TNP1: variants seen among roughly 807,000 people sequenced by gnomAD.
The protein encoded by TNP1 is transition protein 1.
In TNP1, 1 loss-of-function variant was observed where a neutral mutation model predicts 5.8. That is an observed-to-expected ratio of 0.17 (90% CI 0.06 to 0.82). TNP1 has a LOEUF of 0.82. Among genes scored for constraint, TNP1 ranks in the 40% least tolerant of loss-of-function variants. The pLI is 0.72. For missense variants in TNP1, 71 were observed against 75.5 expected (o/e 0.94, Z 0.22); for synonymous variants, 22 against 25.3 (o/e 0.87, Z 0.40).
chr2:216,859,560 T>A lies in TNP1; in HGVS notation c.*107A>T. 7.1e-7 allele frequency: 1 copy of A among 1,418,180 alleles called. No individual in the cohort carries two copies. The highest frequency in any genetic ancestry group is 9.9e-7 in the Non-Finnish European group (1 of 1,011,114). 87.8% of individuals were successfully genotyped at this position (1,418,180 alleles called of 1,614,324 possible). A position where few individuals can be genotyped will look rare whatever the true frequency, so the allele number is the denominator to read the frequency against. ...ATTTGATCCACATTCCATAGGCTCC[T>A]CTCTGGCTTTGATCTAACATCAGGT... On this transcript the variant is annotated 3_prime_UTR_variant, in exon 2 of 2. Transcript: ENST00000236979.
At chr2:216,859,754 C>T (rs1384975951) in intron 1 of TNP1, 59 bp from the exon 2 acceptor site, 2 of 1,613,798 alleles carry the variant, frequency 1.2e-6, no homozygotes, top group Non-Finnish European at 1.7e-6. Context: ...CATCAAGACT[C>T]TTGTTGCTCA....
At chr2:216,859,744 C>G in intron 1 of TNP1, 49 bp from the exon 2 acceptor site, 2 of 1,613,992 alleles carry the variant, frequency 1.2e-6, no homozygotes, top group Non-Finnish European at 1.7e-6. Flanking sequence ...AGAACATTCC[C>G]ATCAAGACTC....
In TNP1 at chr2:216,859,473, TTTTA is replaced by T; in HGVS notation, c.*190_*193del. On this transcript the variant is annotated 3_prime_UTR_variant, in exon 2 of 2. Transcript: ENST00000236979. ...AAAGTAAACATTTCTGCTTTCAAAG[TTTTA>T]TTGAGATGTTGGGGAAAAACAGCCA... The T allele has an allele frequency of 1.5e-6, 1 of 677,702 alleles. No individual in the cohort carries two copies. Among genetic ancestry groups the T allele is most frequent in the Non-Finnish European group, 2.5e-6 (1 of 400,192 alleles). The allele number at this position is 677,702 out of a possible 1,614,324, so 42.0% of individuals were successfully genotyped here.
rs562802006 is a variant in TNP1, at chr2:216,859,661, G to A, written c.*6C>T. 2 of 1,614,154 alleles carry A rather than the reference G, an allele frequency of 1.2e-6. No homozygotes were observed. The highest frequency in any genetic ancestry group is 2.2e-5 in the South Asian group (2 of 91,076). ...GAAGCGCACCAGGGCAGAGCCCGCT[G>A]GGGGCTCACAAGTGGGAGCGGTAAT... On this transcript the variant is annotated 3_prime_UTR_variant, in exon 2 of 2. Transcript: ENST00000236979.
At chr2:216,859,724 G>A (rs1247923281) in intron 1 of TNP1, 29 bp from the exon 2 acceptor site, 2 of 1,614,156 alleles carry the variant, frequency 1.2e-6, no homozygotes, top group Admixed American at 1.7e-5. Flanking sequence ...TTGCAACAGA[G>A]ACACGAATTA....
At position 216,859,564 on chromosome 2, in the gene TNP1, T is replaced by A; in HGVS notation, c.*103A>T. On this transcript the variant is annotated 3_prime_UTR_variant, in exon 2 of 2. Coordinates refer to ENST00000236979, the MANE Select transcript of TNP1 (RefSeq NM_003284.4). Reference sequence around the variant, plus strand: ...GATCCACATTCCATAGGCTCCTCTCTGGCTTTGATCTAACATCAGGTCTCC... The same window carrying A: ...GATCCACATTCCATAGGCTCCTCTCAGGCTTTGATCTAACATCAGGTCTCC... 4.1e-6 allele frequency: 6 copies of A among 1,455,410 alleles called. No homozygotes were observed. Among genetic ancestry groups the A allele is most frequent in the Non-Finnish European group, 5.8e-6 (6 of 1,043,158 alleles). The allele number at this position is 1,455,410 out of a possible 1,614,324, so 90.2% of individuals were successfully genotyped here.
Position 216,859,618 on chromosome 2 carries a change from T to G in TNP1, c.*49A>C. 6.2e-7 allele frequency: 1 copy of G among 1,612,724 alleles called. No homozygotes were observed. Among genetic ancestry groups the G allele is most frequent in the Non-Finnish European group, 8.5e-7 (1 of 1,178,776 alleles). On this transcript the variant is annotated 3_prime_UTR_variant, in exon 2 of 2. Transcript: ENST00000236979. ...GCAGTTCCCCTTCTGCTGTTCTTGT[T>G]GCTGCTTGGTGCTGTGTGAAGCGCA...
rs370918270 is a variant in TNP1, at chr2:216,859,658, G to A, written c.*9C>T. On this transcript the variant is annotated 3_prime_UTR_variant, in exon 2 of 2. Coordinates refer to ENST00000236979, the MANE Select transcript of TNP1 (RefSeq NM_003284.4). ...TGTGAAGCGCACCAGGGCAGAGCCCGCTGGGGGCTCACAAGTGGGAGCGGT... is the reference window on the plus strand; with the variant it reads ...TGTGAAGCGCACCAGGGCAGAGCCCACTGGGGGCTCACAAGTGGGAGCGGT... 19 of 1,614,044 alleles carry A rather than the reference G, an allele frequency of 1.2e-5. No individual in the cohort carries two copies. The highest frequency in any genetic ancestry group is 5.3e-5 in the African/African-American group (4 of 74,932).
rs199683943 is a variant in TNP1, at chr2:216,859,922, A to C, written c.113T>G (p.Leu38Arg). ...GSKRKYRKGN[L>R]KSRKRGDDAN... ...GTCATCGCCCCGTTTCCTACTTTTC[A>C]GGTTGCCCTTACGGTATTTTCTTTT... The change falls in exon 1 of 2, where the codon CTG (leucine) becomes CGG (arginine). Residue 38 changes from leucine to arginine, a missense_variant. By Grantham distance (102) the Leu-to-Arg change is moderately radical (BLOSUM62 -2). Transcript: ENST00000236979. 1.1e-4 allele frequency: 176 copies of C among 1,613,954 alleles called. No homozygotes were observed. The highest frequency in any genetic ancestry group is 5.0e-5 in the Admixed American group (3 of 59,996).
rs777779863 is a variant in TNP1 at position 216,859,695 on chromosome 2, G to A, written c.140C>T (p.Ala47Val). 1.9e-6 allele frequency: 3 copies of A among 1,614,144 alleles called. No homozygotes were observed. In the East Asian group the frequency reaches 6.7e-5, roughly 36 times the overall value. The change falls in exon 2 of 2, where the codon GCC becomes GTC. Residue 47 changes from alanine (A) to valine (V), a missense_variant and splice_region_variant. Transcript: ENST00000236979. ...NLKSRKRGDD[A>V]NRNYRSHL is the part of the protein sequence containing the mutation. ...CAAGTGGGAGCGGTAATTGCGATTG[G>A]CTGTGGGAAAGGACAGGTTTGCAAC... is the stretch of plus-strand genomic sequence containing the variant.
chr2:216,860,003 C>G lies in TNP1; in HGVS notation c.32G>C (p.Gly11Ala), dbSNP rs148824183. ...AGATCGGCTCTTGCTCCTCCTCATGCCATGACTCTTTAATTTGCGGCTGGT... is the reference window on the plus strand; with the variant it reads ...AGATCGGCTCTTGCTCCTCCTCATGGCATGACTCTTTAATTTGCGGCTGGT... MSTSRKLKSH[G>A]MRRSKSRSPH... The change falls in exon 1 of 2, where the codon GGC (glycine) becomes GCC (alanine). Residue 11 changes from glycine (G) to alanine (A), a missense_variant. Transcript: ENST00000236979. The G allele has an allele frequency of 2.5e-6, 4 of 1,614,058 alleles. No individual in the cohort carries two copies.
rs1454842977 is a variant in TNP1 at position 216,859,676 on chromosome 2, G to A, written c.159C>T (p.Ser53=). ...RGDDANRNYR[S]HL is the part of the protein sequence containing the mutation. ...AGAGCCCGCTGGGGGCTCACAAGTG[G>A]GAGCGGTAATTGCGATTGGCTGTGG... Residue 53 remains serine (S), a synonymous_variant, in exon 2 of 2, where the codon TCC becomes TCT. Transcript: ENST00000236979. 6.2e-7 allele frequency: 1 copy of A among 1,614,166 alleles called. No individual in the cohort carries two copies. Among genetic ancestry groups the A allele is most frequent in the South Asian group, 1.1e-5 (1 of 91,082 alleles).
At position 216,859,564 on chromosome 2, in the gene TNP1, T is replaced by C. The variant is rs2105947875; in HGVS notation, c.*103A>G. On this transcript the variant is annotated 3_prime_UTR_variant, in exon 2 of 2. Coordinates refer to ENST00000236979, the MANE Select transcript of TNP1 (RefSeq NM_003284.4). ...GATCCACATTCCATAGGCTCCTCTC[T>C]GGCTTTGATCTAACATCAGGTCTCC... 2 of 1,455,410 alleles carry C rather than the reference T, an allele frequency of 1.4e-6. No individual in the cohort carries two copies. The highest frequency in any genetic ancestry group is 1.9e-6 in the Non-Finnish European group (2 of 1,043,158). The allele number at this position is 1,455,410 out of a possible 1,614,324, so 90.2% of individuals were successfully genotyped here. A position where few individuals can be genotyped will look rare whatever the true frequency, so the allele number is the denominator to read the frequency against.
chr2:216,859,671 A>G lies in TNP1; in HGVS notation c.164T>C (p.Leu55Ser). 6.2e-7 allele frequency: 1 copy of G among 1,614,182 alleles called. No individual in the cohort carries two copies. The highest frequency in any genetic ancestry group is 8.5e-7 in the Non-Finnish European group (1 of 1,180,032). The part of the protein sequence containing the change: ...DDANRNYRSH[L>S] ...AGGGCAGAGCCCGCTGGGGGCTCAC[A>G]AGTGGGAGCGGTAATTGCGATTGGC... Residue 55 changes from leucine (L) to serine (S), a missense_variant, in exon 2 of 2, where the codon TTG (leucine) becomes TCG (serine). Physicochemically the swap from Leu to Ser is moderately radical, Grantham distance 145 (BLOSUM62 -2). Transcript: ENST00000236979.
rs549619953 is a variant in TNP1 at position 216,859,903 on chromosome 2, G to A, written c.132C>T (p.Gly44=). 2.4e-5 allele frequency: 39 copies of A among 1,614,146 alleles called. No homozygotes were observed. The highest frequency in any genetic ancestry group is 1.6e-4 in the African/African-American group (12 of 75,024). Residue 44 remains glycine, a synonymous_variant, in exon 1 of 2, where the codon GGC becomes GGT. Coordinates refer to ENST00000236979, the MANE Select transcript of TNP1 (RefSeq NM_003284.4). Reference sequence around the variant, plus strand: ...TCCCCATCCCTCACTCACCGTCATCGCCCCGTTTCCTACTTTTCAGGTTGC... The same window carrying A: ...TCCCCATCCCTCACTCACCGTCATCACCCCGTTTCCTACTTTTCAGGTTGC... ...RKGNLKSRKR[G]DDANRNYRSH...
chr2:216,859,795 A>G, intron 1 of TNP1, 100 bp from the exon 2 acceptor site: 1 of 1,613,772 alleles, frequency 6.2e-7, no homozygotes, highest in Non-Finnish European at 8.5e-7. Context: ...AAATAATCTC[A>G]GGCCAAGATT....
At chr2:216,859,844 T>G in intron 1 of TNP1, 52 bp downstream of exon 1, 1 of 1,614,186 alleles carries the variant, frequency 6.2e-7, no homozygotes, top group Non-Finnish European at 8.5e-7. Context: ...AGGGAGGGCC[T>G]GGCAGCAATG....
rs531949711 is a variant in TNP1 at position 216,859,900 on chromosome 2, A to G, written c.135T>C (p.Asp45=). 9.6e-5 allele frequency: 155 copies of G among 1,614,078 alleles called. 1 individual carries two copies. The South Asian group carries it at 1.6e-3, about 17-fold the overall frequency. ...TCCTCCCCATCCCTCACTCACCGTC[A>G]TCGCCCCGTTTCCTACTTTTCAGGT... The part of the protein sequence containing the change: ...KGNLKSRKRG[D]DANRNYRSHL The change falls in exon 1 of 2, where the codon GAT becomes GAC. Residue 45 remains aspartate, a synonymous_variant. Transcript: ENST00000236979.
chr2:216,859,877 C>T lies in TNP1; in HGVS notation c.139+19G>A. On this transcript the variant is annotated intron_variant, in intron 1 of 1. Coordinates refer to ENST00000236979, the MANE Select transcript of TNP1 (RefSeq NM_003284.4). ...ATGTGTGCCTAAGTTTGGCAATCTC[C>T]TCCCCATCCCTCACTCACCGTCATC... 1 of 1,614,210 alleles carries T rather than the reference C, an allele frequency of 6.2e-7. No homozygotes were observed. Among genetic ancestry groups the T allele is most frequent in the South Asian group, 1.1e-5 (1 of 91,090 alleles).
Sources: allele counts gnomAD v4.1 joint callset, GRCh38; gene constraint gnomAD v4.1.1; transcripts MANE v1.5; gene names NCBI Gene and HGNC (gene_info 2026-07-23, HGNC 2026-07-21).